The following TBX18 variants were observed in gnomAD, a reference collection of about 807,000 sequenced individuals.
TBX18 encodes T-box transcription factor 18.
Under a neutral mutation model 55.0 loss-of-function variants are expected in TBX18, and 21 were observed. The observed-to-expected ratio is 0.38, with a 90% CI of 0.27 to 0.55. The LOEUF (loss-of-function observed/expected upper bound fraction) is 0.55, where lower values mean the gene tolerates loss of function less well. TBX18 is among the 20% of genes least tolerant of loss of function. The probability of loss-of-function intolerance (pLI) is 0.73; values close to 1 mark genes in which losing one functional copy is unlikely to be tolerated. For synonymous variants in TBX18, 342 were observed against 326.1 expected, an observed-to-expected ratio of 1.05 and a Z score of -0.53; for missense variants, 840 against 799.6, an observed-to-expected ratio of 1.05 and a Z score of -0.61.
intron 4 of TBX18, among the ~76,000 whole-genome samples, chr6:84,752,728 C>G (rs1348327050): frequency 2.6e-5 from 4 of 152,140 alleles, no homozygotes; most frequent in Non-Finnish European, 5.9e-5. Flanking sequence ...TAACTTGCTG[C>G]TTCCACACCT....
chr6:84,763,018 C>T (rs1161020378), intron 1 of TBX18: 1 of 558,492 alleles, frequency 1.8e-6, no homozygotes, highest in Non-Finnish European at 3.2e-6. Context: ...CCACCCCACC[C>T]GCTGGGCCTC....
rs1397518869 is a variant in TBX18 at position 84,756,717 on chromosome 6, T to G, written c.752A>C (p.Glu251Ala). 6.8e-6 allele frequency: 11 copies of G among 1,613,926 alleles called. No homozygotes were observed. Among genetic ancestry groups the G allele is most frequent in the Non-Finnish European group, 9.3e-6 (11 of 1,180,024 alleles). The change falls in exon 4 of 8, where the codon GAA becomes GCA. Residue 251 changes from glutamate to alanine, a missense_variant. Transcript: ENST00000369663. ...SFDKLKLTNNELDDQGHIILH... is the reference protein window; with the variant it reads ...SFDKLKLTNNALDDQGHIILH... ...ACTCACATGGCCTTGGTCATCCAGT[T>G]CATTGTTGGTGAGCTTCAGCTTGTC...
chr6:84,733,484 A>C lies in TBX18; in HGVS notation c.*3201T>G, dbSNP rs2127868939. The C allele has an allele frequency of 6.6e-6, 1 of 152,178 alleles. No individual in the cohort carries two copies. The highest frequency in any genetic ancestry group is 2.1e-4 in the South Asian group (1 of 4,816). The allele number at this position is 152,178 out of a possible 1,614,324, so 9.4% of individuals were successfully genotyped here. ...CTTTGCAACAAAGGAATCTTTACAAACCTCTCTAATTAGAGACAGCATCAG... is the reference window on the plus strand; with the variant it reads ...CTTTGCAACAAAGGAATCTTTACAACCCTCTCTAATTAGAGACAGCATCAG... On this transcript the variant is annotated 3_prime_UTR_variant, in exon 8 of 8. Transcript: ENST00000369663.
chr6:84,740,624 G>C (rs911152424), intron 6 of TBX18, among the ~76,000 whole-genome samples: 1 of 152,086 alleles, frequency 6.6e-6, no homozygotes, highest in Non-Finnish European at 1.5e-5. Flanking sequence ...AATGAACTCT[G>C]GGTCCTGTTT....
Position 84,736,873 on chromosome 6 carries a change from T to C in TBX18, c.1636A>G (p.Lys546Glu). 6.2e-7 allele frequency: 1 copy of C among 1,613,466 alleles called. No homozygotes were observed. Among genetic ancestry groups the C allele is most frequent in the Non-Finnish European group, 8.5e-7 (1 of 1,179,770 alleles). Residue 546 changes from lysine (K) to glutamate (E), a missense_variant, in exon 8 of 8, where the codon AAA (lysine) becomes GAA (glutamate). Physicochemically the swap from Lys to Glu is moderately conservative, Grantham distance 56. Transcript: ENST00000369663. ...AAACTTCCTTGGGAAGAAACAATTT[T>C]CTCAGGACTGGCAGCCAGTTTGGGG... ...TSPKLAASPEKIVSSQGSFLG... is the reference protein window; with the variant it reads ...TSPKLAASPEEIVSSQGSFLG...
At position 84,764,158 on chromosome 6, in the gene TBX18, C is replaced by G; in HGVS notation, c.24G>C (p.Ser8=). The change falls in exon 1 of 8, where the codon TCG becomes TCC. Residue 8 remains serine, a synonymous_variant. Transcript: ENST00000369663. The stretch of plus-strand genomic sequence containing the variant: ...CCTTGAGGCTTAGCATGCTGCACGG[C>G]GAGCCCCTTCGCTTCTCGGCCATCC... The part of the protein sequence containing the change: MAEKRRG[S]PCSMLSLKAH... The G allele has an allele frequency of 6.6e-7, 1 of 1,521,836 alleles. No homozygotes were observed. Among genetic ancestry groups the G allele is most frequent in the Non-Finnish European group, 8.7e-7 (1 of 1,143,962 alleles). 94.3% of individuals were successfully genotyped at this position (1,521,836 alleles called of 1,614,324 possible). A position where few individuals can be genotyped will look rare whatever the true frequency, so the allele number is the denominator to read the frequency against.
intron 6 of TBX18, 92 bp downstream of exon 6, chr6:84,744,169 A>G (rs1482931975): frequency 1.8e-6 from 2 of 1,117,388 alleles, no homozygotes; most frequent in Admixed American, 4.6e-5. Flanking sequence ...ATATCGTATT[A>G]GTAAATTTAG....
In TBX18 at chr6:84,748,022, G is replaced by T. The variant is rs371936509; in HGVS notation, c.837C>A (p.Asp279Glu). 1 of 1,613,378 alleles carries T rather than the reference G, an allele frequency of 6.2e-7. No homozygotes were observed. The highest frequency in any genetic ancestry group is 8.5e-7 in the Non-Finnish European group (1 of 1,179,536). The change falls in exon 5 of 8, where the codon GAC becomes GAA. Residue 279 changes from aspartate to glutamate, a missense_variant. Asp to Glu is a conservative substitution (Grantham distance 45, BLOSUM62 2). Coordinates refer to ENST00000369663, the MANE Select transcript of TBX18 (RefSeq NM_001080508.3). ...GAACAGGCTTGATGGGAGAAAGATC[G>T]TCTCCACAGTCTTTACGGATGACGT... Reference protein sequence around the residue: ...RVHVIRKDCGDDLSPIKPVPS... With the variant: ...RVHVIRKDCGEDLSPIKPVPS...
chr6:84,744,280 G>A lies in TBX18; in HGVS notation c.985C>T (p.Arg329Ter), dbSNP rs202211205. 2.5e-6 allele frequency: 4 copies of A among 1,612,622 alleles called. No homozygotes were observed. The highest frequency in any genetic ancestry group is 3.4e-6 in the Non-Finnish European group (4 of 1,179,212). Residue 329 changes from arginine (R) to a stop codon, truncating the protein, a stop_gained, in exon 6 of 8, where the codon CGA (arginine) becomes TGA (stop). Transcript: ENST00000369663. LOFTEE classifies it high-confidence loss of function. ...GCCCACCTGTTGCGCCCGGAGTCTC[G>A]GAAGCCTTTAGCAAATGGATTCCTA... is the stretch of plus-strand genomic sequence containing the variant. ...IDRNPFAKGF[R>*]DSGRNRMGLE...
chr6:84,747,968 G>A lies in TBX18; in HGVS notation c.891C>T (p.Ser297=). ...VPSGEGVKAF[S]FPETVFTTVT... is the part of the protein sequence containing the mutation. ...CGGTTGTGAAGACAGTTTCTGGAAA[G>A]GAGAATGCCTTTACTCCCTCCCCGG... Residue 297 remains serine (S), a synonymous_variant, in exon 5 of 8, where the codon TCC becomes TCT. Transcript: ENST00000369663. The A allele has an allele frequency of 3.7e-6, 6 of 1,613,270 alleles. No homozygotes were observed. The South Asian group carries it at 6.6e-5, about 18-fold the overall frequency.
rs771433931 is a variant in TBX18 at position 84,764,082 on chromosome 6, G to T, written c.100C>A (p.Leu34Ile). ...ALIGAEKQQQLQKKRRKLGAE... is the reference protein window; with the variant it reads ...ALIGAEKQQQIQKKRRKLGAE... Reference sequence around the variant, plus strand: ...CCCAGTTTTCGCCGCTTCTTCTGAAGCTGTTGCTGCTTCTCGGCGCCGATC... The same window carrying T: ...CCCAGTTTTCGCCGCTTCTTCTGAATCTGTTGCTGCTTCTCGGCGCCGATC... Residue 34 changes from leucine (L) to isoleucine (I), a missense_variant, in exon 1 of 8, where the codon CTT (leucine) becomes ATT (isoleucine). Coordinates refer to ENST00000369663, the MANE Select transcript of TBX18 (RefSeq NM_001080508.3). 1.9e-6 allele frequency: 3 copies of T among 1,583,758 alleles called. No homozygotes were observed. The African/African-American group carries it at 4.0e-5, about 21-fold the overall frequency.
In TBX18 at chr6:84,764,040, C is replaced by T. The variant is rs172562; in HGVS notation, c.142G>A (p.Gly48Arg). ...RRKLGAEEAAGAVDDGGCSRG... is the reference protein window; with the variant it reads ...RRKLGAEEAARAVDDGGCSRG... ...CTGCAGCCTCCGTCGTCCACGGCCC[C>T]CGCCGCCTCTTCGGCGCCCAGTTTT... Residue 48 changes from glycine (G) to arginine (R), a missense_variant, in exon 1 of 8, where the codon GGG becomes AGG. Transcript: ENST00000369663. 0.49 allele frequency: 758,531 copies of T among 1,554,984 alleles called. 192,259 individuals are homozygous for T. Among genetic ancestry groups the T allele is most frequent in the South Asian group, 0.72 (61,407 of 85,340 alleles).
At chr6:84,745,587 G>T (rs1186159093) in intron 5 of TBX18, among the ~76,000 whole-genome samples, 1 of 152,036 alleles carries the variant, frequency 6.6e-6, no homozygotes. Flanking sequence ...ATGATATAAT[G>T]AAAGGGTTTG....
intron 2 of TBX18, among the ~76,000 whole-genome samples, chr6:84,761,209 C>T (rs1767637473): frequency 6.6e-6 from 1 of 152,024 alleles, no homozygotes. Flanking sequence ...TAATGACTTA[C>T]GTTTAAGTCC....
Position 84,732,589 on chromosome 6 carries a change from T to A in TBX18, c.*4096A>T, listed in dbSNP as rs957285771. ...ATACTTATTTCAAAACAAAATAATT[T>A]AATGCCATGCAATTAAGAGCATCAT... On this transcript the variant is annotated 3_prime_UTR_variant, in exon 8 of 8. Transcript: ENST00000369663. 12 of 152,136 alleles carry A rather than the reference T, an allele frequency of 7.9e-5. No individual in the cohort carries two copies. The highest frequency in any genetic ancestry group is 2.2e-4 in the African/African-American group (9 of 41,458). 9.4% of individuals were successfully genotyped at this position (152,136 alleles called of 1,614,324 possible).
At chr6:84,758,824 CT>C (rs778265984) in intron 3 of TBX18, among the ~76,000 whole-genome samples, 3 of 152,146 alleles carry the variant, frequency 2.0e-5, no homozygotes, top group Non-Finnish European at 2.9e-5. Flanking sequence ...AAACAAATTT[CT>C]TCTTGGGAAG....
chr6:84,733,182 TG>T lies in TBX18; in HGVS notation c.*3502del, dbSNP rs1267177395. Reference sequence around the variant, plus strand: ...ATACTAAGTTTATATATCTGTTGAATGTTTGTATACTTGAATATATTTGTCG... The same window carrying T: ...ATACTAAGTTTATATATCTGTTGAATTTTGTATACTTGAATATATTTGTCG... On this transcript the variant is annotated 3_prime_UTR_variant, in exon 8 of 8. Transcript: ENST00000369663. The T allele has an allele frequency of 1.3e-5, 2 of 152,222 alleles. No individual in the cohort carries two copies. Among genetic ancestry groups the T allele is most frequent in the African/African-American group, 4.8e-5 (2 of 41,470 alleles). 9.4% of individuals were successfully genotyped at this position (152,222 alleles called of 1,614,324 possible). A position where few individuals can be genotyped will look rare whatever the true frequency, so the allele number is the denominator to read the frequency against.
In TBX18 at chr6:84,757,162, A is replaced by T. The variant is rs529607327; in HGVS notation, c.600-293T>A. Among the ~76,000 whole-genome samples, 118 of 152,320 alleles carry T rather than the reference A, an allele frequency of 7.7e-4. 2 individuals are homozygous for T. The highest frequency in any genetic ancestry group is 3.4e-3 in the Middle Eastern group (1 of 294). ...TGAATGACACTTATTCACCCTAGAC[A>T]TTCCATCTCTGATATTTTCCACTTT... is the stretch of plus-strand genomic sequence containing the variant. On this transcript the variant is annotated intron_variant, in intron 3 of 7. Coordinates refer to ENST00000369663, the MANE Select transcript of TBX18 (RefSeq NM_001080508.3).
intron 5 of TBX18, among the ~76,000 whole-genome samples, chr6:84,744,783 G>C (rs1767139678): frequency 6.6e-6 from 1 of 152,054 alleles, no homozygotes; most frequent in Non-Finnish European, 1.5e-5. Flanking sequence ...AGCTCCTACA[G>C]AGCTTTCTCT....
Sources: gnomAD v4.1 joint callset for allele counts (sites outside exome capture counted in the v4.1 genomes callset) on GRCh38, gnomAD v4.1.1 for gene constraint, MANE v1.5 for transcripts, NCBI Gene and HGNC (gene_info 2026-07-23, HGNC 2026-07-21) for gene names.